The following NPRL3 variants were observed in gnomAD, a reference collection of about 807,000 sequenced individuals.
NPRL3 encodes NPR3 like, GATOR1 complex subunit.
A neutral mutation model predicts 57.2 loss-of-function variants in NPRL3; 23 were observed. That is an observed-to-expected ratio of 0.40 (90% CI 0.29 to 0.57). The LOEUF (loss-of-function observed/expected upper bound fraction) is 0.57. Ranked by LOEUF, NPRL3 falls within the 20% of genes least tolerant of loss-of-function variation. The pLI, the probability that NPRL3 is intolerant of heterozygous loss-of-function variation, is 0.42. For synonymous variants in NPRL3, 333 were observed against 321.1 expected (o/e 1.04, Z -0.39); for missense variants, 691 against 767.1 (o/e 0.90, Z 1.17).
At position 112,625 on chromosome 16, in the gene NPRL3, C is replaced by T; in HGVS notation, c.544G>A (p.Asp182Asn). ...CATCACGCCCTGCTGCACTCACCAT[C>T]AGCCATGGCGGACACCTCATCCTGG... ...ALQDEVSAMA[D>N]GNEGPQSPFH... The change falls in exon 6 of 14, where the codon GAT becomes AAT. Residue 182 changes from aspartate (D) to asparagine (N), a missense_variant. Coordinates refer to ENST00000611875, the MANE Select transcript of NPRL3 (RefSeq NM_001077350.3). The T allele has an allele frequency of 6.3e-7, 1 of 1,579,752 alleles. No individual in the cohort carries two copies. Among genetic ancestry groups the T allele is most frequent in the Non-Finnish European group, 8.6e-7 (1 of 1,159,738 alleles).
intron 3 of NPRL3, chr16:123,583 CAT>C (rs1491409993): frequency 6.4e-6 from 3 of 467,384 alleles, no homozygotes; most frequent in East Asian, 1.4e-4. Flanking sequence ...CAAACAAAAA[CAT>C]ATCACTTTTT....
intron 9 of NPRL3, among the ~76,000 whole-genome samples, chr16:95,441 T>C (rs956483540): frequency 6.6e-6 from 1 of 151,392 alleles, no homozygotes; most frequent in African/African-American, 2.4e-5. Flanking sequence ...ACCTGTGGGA[T>C]ATGGGACTGT....
chr16:113,696 G>A (rs1899915008), intron 5 of NPRL3, among the ~76,000 whole-genome samples: 1 of 152,204 alleles, frequency 6.6e-6, no homozygotes, highest in African/African-American at 2.4e-5. Context: ...AGGGAAAGGG[G>A]TGAATGGTAC....
intron 4 of NPRL3, 124 bp from the exon 5 acceptor site, chr16:117,499 G>A: frequency 3.1e-6 from 2 of 653,380 alleles, no homozygotes; most frequent in South Asian, 4.0e-5. Context: ...GAAAAGCAAT[G>A]AATGCCTTTG....
rs115047002 is a variant in NPRL3 at position 116,923 on chromosome 16, C to T, written c.393+378G>A. ...TTGGGAGGCAGGGGTTGCATTGAGC[C>T]AAGATTGCGCTACTACACTCCAGCC... On this transcript the variant is annotated intron_variant, in intron 5 of 13. Coordinates refer to ENST00000611875, the MANE Select transcript of NPRL3 (RefSeq NM_001077350.3). 4.5e-3 allele frequency among the ~76,000 whole-genome samples: 681 copies of T among 151,436 alleles called. 7 individuals are homozygous for T. The highest frequency in any genetic ancestry group is 0.016 in the African/African-American group (647 of 41,262).
chr16:112,496 G>A, intron 6 of NPRL3, 126 bp downstream of exon 6: 1 of 919,650 alleles, frequency 1.1e-6, no homozygotes, highest in Non-Finnish European at 1.5e-6. Context: ...CTGGTGTTGG[G>A]GTGGGTGAGG....
At chr16:107,416 G>A (rs188789834) in intron 7 of NPRL3, among the ~76,000 whole-genome samples, 31 of 152,094 alleles carry the variant, frequency 2.0e-4, no homozygotes, top group African/African-American at 6.3e-4. Context: ...AGGCCGAGCC[G>A]GGCGGATCTA....
chr16:128,575 T>G (rs1900648492), intron 3 of NPRL3, among the ~76,000 whole-genome samples: 1 of 152,032 alleles, frequency 6.6e-6, no homozygotes, highest in Non-Finnish European at 1.5e-5. Context: ...GAGACCGTCC[T>G]GGCTAACACG....
At chr16:89,520 G>C (rs1898663662) in intron 12 of NPRL3, 193 bp downstream of exon 12, 4 of 543,404 alleles carry the variant, frequency 7.4e-6, no homozygotes, top group Non-Finnish European at 9.4e-6. Flanking sequence ...CGGAGACAGA[G>C]CTGCCACCTC....
intron 3 of NPRL3, among the ~76,000 whole-genome samples, chr16:123,160 G>A (rs1289445815): frequency 6.6e-6 from 1 of 152,154 alleles, no homozygotes; most frequent in Non-Finnish European, 1.5e-5. Flanking sequence ...CTAGGGAGAT[G>A]ACAGAGTCCA....
At position 86,821 on chromosome 16, in the gene NPRL3, T is replaced by G. The variant is rs767536312; in HGVS notation, c.1594A>C (p.Asn532His). ...AGCTGGGAGCGCCGCGTGTTCTCGT[T>G]GTACATAATCTCCTCCAGGTGGTGG... Reference protein sequence around the residue: ...GRHHLEEIMYNENTRRSQLLM... With the variant: ...GRHHLEEIMYHENTRRSQLLM... Residue 532 changes from asparagine (N) to histidine (H), a missense_variant, in exon 14 of 14, where the codon AAC becomes CAC. Physicochemically the swap from Asn to His is moderately conservative, Grantham distance 68. Coordinates refer to ENST00000611875, the MANE Select transcript of NPRL3 (RefSeq NM_001077350.3). The G allele has an allele frequency of 5.5e-5, 88 of 1,613,332 alleles. No homozygotes were observed. The highest frequency in any genetic ancestry group is 8.5e-7 in the Non-Finnish European group (1 of 1,179,760).
chr16:134,697 T>TTTTTTTTC (rs1567150257), intron 2 of NPRL3, among the ~76,000 whole-genome samples: 1 of 67,282 alleles, frequency 1.5e-5, no homozygotes, highest in Admixed American at 1.9e-4. Context: ...TATTATTATT[T>TTTTTTTTC]TTTTTTTTTT....
chr16:103,687 G>C (rs1038762746), intron 7 of NPRL3, among the ~76,000 whole-genome samples: 1 of 152,158 alleles, frequency 6.6e-6, no homozygotes, highest in African/African-American at 2.4e-5. Flanking sequence ...CATCTAGACA[G>C]ACACATAATT....
At chr16:129,988 G>A (rs1900717439) in intron 3 of NPRL3, among the ~76,000 whole-genome samples, 1 of 152,170 alleles carries the variant, frequency 6.6e-6, no homozygotes, top group South Asian at 2.1e-4. Flanking sequence ...AGAGAGAGCA[G>A]GGGCACAAAC....
chr16:96,001 A>G (rs1423831706), intron 9 of NPRL3, among the ~76,000 whole-genome samples: 1 of 152,184 alleles, frequency 6.6e-6, no homozygotes, highest in East Asian at 1.9e-4. Context: ...ACCAGCAGCA[A>G]CGCCCTGCTG....
At chr16:136,185 A>C (rs1401046106) in intron 2 of NPRL3, among the ~76,000 whole-genome samples, 1 of 152,256 alleles carries the variant, frequency 6.6e-6, no homozygotes, top group Non-Finnish European at 1.5e-5. Flanking sequence ...TCGTATTAGC[A>C]AAAGATTGAA....
chr16:106,239 CG>C (rs1200724954), intron 7 of NPRL3, among the ~76,000 whole-genome samples: 1 of 152,126 alleles, frequency 6.6e-6, no homozygotes, highest in Non-Finnish European at 1.5e-5. Flanking sequence ...GCCCGGGAGA[CG>C]GAGGTTGCAG....
intron 9 of NPRL3, among the ~76,000 whole-genome samples, chr16:94,886 T>A (rs1198856611): frequency 6.6e-6 from 1 of 152,054 alleles, no homozygotes; most frequent in East Asian, 1.9e-4. Flanking sequence ...TGCAGCAGCC[T>A]CTCCAAGATG....
intron 8 of NPRL3, among the ~76,000 whole-genome samples, chr16:98,558 A>G (rs1899130653): frequency 6.6e-6 from 1 of 152,168 alleles, no homozygotes; most frequent in Admixed American, 6.5e-5. Flanking sequence ...TGGGACACAA[A>G]CAGGCAGCTG....
Sources: gnomAD v4.1 joint callset for allele counts (sites outside exome capture counted in the v4.1 genomes callset) on GRCh38, gnomAD v4.1.1 for gene constraint, MANE v1.5 for transcripts, NCBI Gene and HGNC (gene_info 2026-07-23, HGNC 2026-07-21) for gene names.